WWOX: variants seen among roughly 807,000 people sequenced by gnomAD.
WWOX encodes WW domain-containing oxidoreductase.
Under a neutral mutation model 46.2 loss-of-function variants are expected in WWOX, and 69 were observed. The ratio of observed to expected loss-of-function variants is 1.49; its 90% confidence interval spans 1.23 to 1.82. WWOX has a LOEUF of 1.82. Ranked by LOEUF, WWOX falls within the 40% of genes most tolerant of loss-of-function variation. The pLI, the probability that WWOX is intolerant of heterozygous loss-of-function variation, is 0.00. For synonymous variants in WWOX, 359 were observed against 202.6 expected (o/e 1.77, Z -6.56); for missense variants, 919 against 542.6 (o/e 1.69, Z -6.89).
In WWOX at chr16:78,999,229, G is replaced by C. The variant is rs887483465; in HGVS notation, c.1057-212379G>C. 2.3e-4 allele frequency among the ~76,000 whole-genome samples: 35 copies of C among 152,026 alleles called. No homozygotes were observed. In the Middle Eastern group the frequency reaches 0.01, roughly 44 times the overall value. On this transcript the variant is annotated intron_variant, in intron 8 of 8. Coordinates refer to ENST00000566780, the MANE Select transcript of WWOX (RefSeq NM_016373.4). ...GTCATACCTGTAATCCCAGCACTTT[G>C]GGAGGCCAATGCAGGCGGATCATCT...
chr16:78,433,724 T>G, intron 8 of WWOX, among the ~76,000 whole-genome samples: 1 of 151,440 alleles, frequency 6.6e-6, no homozygotes, highest in East Asian at 1.9e-4. Context: ...GTCTGCTGCC[T>G]TCTCTTACAC....
At chr16:78,802,397 G>C (rs1285089428) in intron 8 of WWOX, among the ~76,000 whole-genome samples, 1 of 151,920 alleles carries the variant, frequency 6.6e-6, no homozygotes, top group African/African-American at 2.4e-5. Context: ...GGTTGAACAA[G>C]ATAAATGCCG....
chr16:78,492,914 A>C (rs966263681), intron 8 of WWOX, among the ~76,000 whole-genome samples: 1 of 152,130 alleles, frequency 6.6e-6, no homozygotes, highest in Non-Finnish European at 1.5e-5. Flanking sequence ...TCCTTTATTC[A>C]CGACAGACAT....
chr16:78,512,935 C>T (rs939909347), intron 8 of WWOX, among the ~76,000 whole-genome samples: 2 of 152,148 alleles, frequency 1.3e-5, no homozygotes, highest in Non-Finnish European at 2.9e-5. Flanking sequence ...GGCAGGAAGG[C>T]CCATTAGTGA....
intron 8 of WWOX, among the ~76,000 whole-genome samples, chr16:78,848,014 C>T (rs941721897): frequency 6.6e-6 from 1 of 152,132 alleles, no homozygotes. Context: ...GATAGCCTGT[C>T]GGTGCCTGGC....
chr16:78,936,136 A>G (rs1295770864), intron 8 of WWOX, among the ~76,000 whole-genome samples: 1 of 152,060 alleles, frequency 6.6e-6, no homozygotes, highest in Non-Finnish European at 1.5e-5. Context: ...TGGTCTGGGA[A>G]CCGGAGAATG....
At chr16:78,854,049 C>G (rs2052512819) in intron 8 of WWOX, among the ~76,000 whole-genome samples, 1 of 152,184 alleles carries the variant, frequency 6.6e-6, no homozygotes, top group Non-Finnish European at 1.5e-5. Flanking sequence ...ATAACCACTA[C>G]TATCATTTTG....
intron 8 of WWOX, among the ~76,000 whole-genome samples, chr16:78,562,602 T>G (rs938065579): frequency 6.6e-6 from 1 of 152,184 alleles, no homozygotes; most frequent in African/African-American, 2.4e-5. Context: ...GCCTGTCACT[T>G]ACTCCCATTG....
chr16:78,666,834 A>C (rs2047342850), intron 8 of WWOX, among the ~76,000 whole-genome samples: 1 of 152,212 alleles, frequency 6.6e-6, no homozygotes, highest in African/African-American at 2.4e-5. Flanking sequence ...TTTAATTTTC[A>C]TGCCATGCAG....
chr16:78,600,570 T>G (rs1031566186), intron 8 of WWOX, among the ~76,000 whole-genome samples: 4 of 152,174 alleles, frequency 2.6e-5, no homozygotes, highest in Admixed American at 6.5e-5. Context: ...CATCATTTTG[T>G]GGGGCTATAG....
At chr16:78,599,037 C>T (rs754826099) in intron 8 of WWOX, among the ~76,000 whole-genome samples, 10 of 152,152 alleles carry the variant, frequency 6.6e-5, no homozygotes, top group African/African-American at 9.7e-5. Flanking sequence ...TTTGAACAAT[C>T]AAACTGGACT....
chr16:78,907,370 T>A (rs1464931640), intron 8 of WWOX, among the ~76,000 whole-genome samples: 3 of 152,206 alleles, frequency 2.0e-5, no homozygotes, highest in African/African-American at 7.2e-5. Context: ...TTGGGGAAAT[T>A]GCAAATCTTG....
At chr16:79,168,486 G>T (rs538575688) in intron 8 of WWOX, among the ~76,000 whole-genome samples, 192 of 152,278 alleles carry the variant, frequency 1.3e-3, no homozygotes, top group Non-Finnish European at 1.2e-3. Flanking sequence ...ATGTGCAACT[G>T]AAATATCTGG....
chr16:79,036,526 A>G (rs2047870077), intron 8 of WWOX, among the ~76,000 whole-genome samples: 1 of 152,224 alleles, frequency 6.6e-6, no homozygotes. Context: ...AGGAAGTGCC[A>G]GAGTCAGGGC....
At chr16:78,651,334 A>G (rs972677549) in intron 8 of WWOX, among the ~76,000 whole-genome samples, 3 of 152,264 alleles carry the variant, frequency 2.0e-5, no homozygotes, top group African/African-American at 7.2e-5. Flanking sequence ...TTGTGTCTAC[A>G]GAAAAGATAT....
At chr16:78,378,810 C>G (rs987730409) in intron 5 of WWOX, among the ~76,000 whole-genome samples, 3 of 151,878 alleles carry the variant, frequency 2.0e-5, no homozygotes, top group Non-Finnish European at 4.4e-5. Context: ...CTTACATTTT[C>G]TCCTTCAGCG....
intron 8 of WWOX, among the ~76,000 whole-genome samples, chr16:79,085,077 C>G (rs986826294): frequency 6.6e-6 from 1 of 152,062 alleles, no homozygotes; most frequent in Non-Finnish European, 1.5e-5. Context: ...AGGCATGAGT[C>G]GCCACACTCA....
At chr16:78,350,697 C>T (rs1343300998) in intron 5 of WWOX, among the ~76,000 whole-genome samples, 1 of 121,472 alleles carries the variant, frequency 8.2e-6, no homozygotes, top group East Asian at 1.9e-4. Flanking sequence ...TCTATGCATT[C>T]AGTTCACGGA....
intron 8 of WWOX, among the ~76,000 whole-genome samples, chr16:78,539,419 G>C (rs1048976001): frequency 2.0e-5 from 3 of 152,178 alleles, no homozygotes; most frequent in South Asian, 2.1e-4. Context: ...CATTATTTTA[G>C]GGGGAGAGGT....
Sources: gnomAD v4.1 joint callset for allele counts (sites outside exome capture counted in the v4.1 genomes callset) on GRCh38, gnomAD v4.1.1 for gene constraint, MANE v1.5 for transcripts, NCBI Gene and HGNC (gene_info 2026-07-23, HGNC 2026-07-21) for gene names.